Variants in EIF4G1 observed in about 807,000 individuals in gnomAD.
EIF4G1 encodes eukaryotic translation initiation factor 4 gamma 1.
EIF4G1 carries 4 observed loss-of-function variants against 187.8 expected under a neutral mutation model. That is an observed-to-expected ratio of 0.02 (90% CI 0.01 to 0.05). The LOEUF is 0.05. Ranked by LOEUF, EIF4G1 falls within the 10% of genes least tolerant of loss-of-function variation. The pLI is 1.00. For synonymous variants in EIF4G1, 844 were observed against 781.4 expected (o/e 1.08, Z -1.34); for missense variants, 1,647 against 2,081.1 (o/e 0.79, Z 4.06).
Position 184,327,664 on chromosome 3 carries a change from A to G in EIF4G1, c.3740A>G (p.Lys1247Arg), listed in dbSNP as rs373662190. 1.5e-5 allele frequency: 24 copies of G among 1,614,196 alleles called. No homozygotes were observed. Among genetic ancestry groups the G allele is most frequent in the Non-Finnish European group, 2.0e-5 (24 of 1,180,026 alleles). Residue 1247 changes from lysine (K) to arginine (R), a missense_variant, in exon 25 of 33, where the codon AAG (lysine) becomes AGG (arginine). Coordinates refer to ENST00000346169, the MANE Select transcript of EIF4G1 (RefSeq NM_198241.3). ...GAGGAGGAGTTAGAGAAGAAATCCA[A>G]GGCTATCATTGAGGAATATCTCCAT... ...LSEEELEKKSKAIIEEYLHLN... is the reference protein window; with the variant it reads ...LSEEELEKKSRAIIEEYLHLN...
At position 184,317,350 on chromosome 3, in the gene EIF4G1, G is replaced by A. The variant is rs1560207133; in HGVS notation, c.177G>A (p.Pro59=). ...QHFYPSRAQP[P]SSAASRVQSA... Reference sequence around the variant, plus strand: ...TCTACCCTAGCCGGGCCCAGCCCCCGAGCAGTGCAGCCTCCCGAGTGCAGA... The same window carrying A: ...TCTACCCTAGCCGGGCCCAGCCCCCAAGCAGTGCAGCCTCCCGAGTGCAGA... The change falls in exon 5 of 33, where the codon CCG becomes CCA. Residue 59 remains proline, a synonymous_variant. Coordinates refer to ENST00000346169, the MANE Select transcript of EIF4G1 (RefSeq NM_198241.3). 8 of 1,613,974 alleles carry A rather than the reference G, an allele frequency of 5.0e-6. No individual in the cohort carries two copies. Among genetic ancestry groups the A allele is most frequent in the South Asian group, 1.1e-5 (1 of 91,078 alleles).
chr3:184,325,154 T>C lies in EIF4G1; in HGVS notation c.2856+40T>C. ...ATCTGGAGGGGGATGGGCTGAAGCA[T>C]ATGTGGGGCTCACTGAGCCCACAAT... On this transcript the variant is annotated intron_variant, in intron 18 of 32. Coordinates refer to ENST00000346169, the MANE Select transcript of EIF4G1 (RefSeq NM_198241.3). The surrounding 1 kb of genome is among the most constrained non-coding windows in gnomAD (Gnocchi z 5.2). The C allele has an allele frequency of 1.9e-6, 3 of 1,608,164 alleles. No individual in the cohort carries two copies. The highest frequency in any genetic ancestry group is 2.6e-6 in the Non-Finnish European group (3 of 1,174,732).
At chr3:184,319,530 C>T in intron 6 of EIF4G1, 159 bp from the exon 7 acceptor site, 1 of 649,804 alleles carries the variant, frequency 1.5e-6, no homozygotes, top group Non-Finnish European at 2.9e-6. Flanking sequence ...CCAGCTTTGA[C>T]AGACACCTAA....
chr3:184,316,184 C>G lies in EIF4G1; in HGVS notation c.113C>G (p.Ala38Gly). Residue 38 changes from alanine (A) to glycine (G), a missense_variant, in exon 4 of 33, where the codon GCG becomes GGG. Coordinates refer to ENST00000346169, the MANE Select transcript of EIF4G1 (RefSeq NM_198241.3). ...TAPVVFSTPQ[A>G]TQMNTPSQPR... ...CCGGTGGTGTTCAGTACGCCACAAG[C>G]GACACAAATGAACACGCCTTCTCAG... 6.2e-7 allele frequency: 1 copy of G among 1,614,122 alleles called. No individual in the cohort carries two copies. Among genetic ancestry groups the G allele is most frequent in the Non-Finnish European group, 8.5e-7 (1 of 1,180,030 alleles).
intron 6 of EIF4G1, 151 bp from the exon 7 acceptor site, chr3:184,319,538 T>C (rs1240622441): frequency 1.5e-6 from 1 of 652,656 alleles, no homozygotes; most frequent in Non-Finnish European, 2.9e-6. Context: ...GACAGACACC[T>C]AATTCCCTGG....
At position 184,325,957 on chromosome 3, in the gene EIF4G1, G is replaced by A. The variant is rs1165034971; in HGVS notation, c.3222+6G>A. 3 of 1,613,828 alleles carry A rather than the reference G, an allele frequency of 1.9e-6. No individual in the cohort carries two copies. The highest frequency in any genetic ancestry group is 4.5e-5 in the East Asian group (2 of 44,890). ...GACTCACCAAGATCACCAAGGTAGG[G>A]GTGTGTGTGGGAGTGGGTGATTCAG... On this transcript the variant is annotated splice_donor_region_variant and intron_variant, in intron 21 of 32. Transcript: ENST00000346169. This position sits in a 1 kb window ranked among gnomAD's most constrained non-coding sequence, Gnocchi z 5.2.
At position 184,320,239 on chromosome 3, in the gene EIF4G1, C is replaced by T. The variant is rs906482834; in HGVS notation, c.538-391C>T. On this transcript the variant is annotated intron_variant, in intron 7 of 32. Transcript: ENST00000346169. ...AGAGCTGGGGAAGCCGCTGAGTCAC[C>T]CTGGCTCCACCTACTGGATCTGGGC... is the stretch of plus-strand genomic sequence containing the variant. The T allele has an allele frequency of 4.9e-6, 6 of 1,214,478 alleles. No homozygotes were observed. In the African/African-American group the frequency reaches 7.8e-5, roughly 16 times the overall value. The allele number at this position is 1,214,478 out of a possible 1,614,324, so 75.2% of individuals were successfully genotyped here. A position where few individuals can be genotyped will look rare whatever the true frequency, so the allele number is the denominator to read the frequency against.
At chr3:184,332,913 T>C (rs1468340511) in intron 32 of EIF4G1, among the ~76,000 whole-genome samples, 1 of 152,184 alleles carries the variant, frequency 6.6e-6, no homozygotes, top group Non-Finnish European at 1.5e-5. Context: ...TCTGGGGCTT[T>C]AGCCTGGGGG....
At chr3:184,332,228 C>T in intron 32 of EIF4G1, 142 bp downstream of exon 32, 1 of 1,113,556 alleles carries the variant, frequency 9.0e-7, no homozygotes, top group Non-Finnish European at 1.3e-6. Context: ...TCATTCTTTC[C>T]TTTTACGTTT....
At chr3:184,320,250 C>T in intron 7 of EIF4G1, 1 of 1,221,470 alleles carries the variant, frequency 8.2e-7, no homozygotes, top group Non-Finnish European at 1.0e-6. Context: ...CTGGCTCCAC[C>T]TACTGGATCT....
chr3:184,333,658 G>C (rs747654475), intron 32 of EIF4G1, among the ~76,000 whole-genome samples: 1 of 152,178 alleles, frequency 6.6e-6, no homozygotes, highest in African/African-American at 2.4e-5. Flanking sequence ...TATTTAGTGG[G>C]GCAGGGGACA....
chr3:184,316,088 A>T, intron 3 of EIF4G1, 44 bp from the exon 4 acceptor site: 1 of 1,612,962 alleles, frequency 6.2e-7, no homozygotes. Flanking sequence ...TTTCTGCCCC[A>T]CCTGGGCTTC....
At chr3:184,318,480 G>A (rs763545929) in intron 6 of EIF4G1, among the ~76,000 whole-genome samples, 4 of 152,082 alleles carry the variant, frequency 2.6e-5, no homozygotes, top group Non-Finnish European at 5.9e-5. Context: ...GGCTGAGCAC[G>A]GTGGCTCACG....
Position 184,321,691 on chromosome 3 carries a change from T to C in EIF4G1, c.1107T>C (p.Asp369=). The change falls in exon 10 of 33, where the codon GAT becomes GAC. Residue 369 remains aspartate (D), a synonymous_variant. Transcript: ENST00000346169. ...CTAATGGCATGGTCCCATCTGAAGA[T>C]CTGGAACCAGAGGTGGAGTCAAGCC... The part of the protein sequence containing the change: ...HEPNGMVPSE[D]LEPEVESSPE... 1 of 1,593,926 alleles carries C rather than the reference T, an allele frequency of 6.3e-7. No individual in the cohort carries two copies. Among genetic ancestry groups the C allele is most frequent in the Non-Finnish European group, 8.6e-7 (1 of 1,168,078 alleles).
Position 184,327,836 on chromosome 3 carries a change from G to T in EIF4G1, c.3787G>T (p.Val1263Phe), listed in dbSNP as rs1469231758. ...YLHLNDMKEAVQCVQELASPS... is the reference protein window; with the variant it reads ...YLHLNDMKEAFQCVQELASPS... ...TGTGCCCTGCACCCCTCAGGAGGCAGTCCAGTGCGTGCAGGAGCTGGCCTC... is the reference window on the plus strand; with the variant it reads ...TGTGCCCTGCACCCCTCAGGAGGCATTCCAGTGCGTGCAGGAGCTGGCCTC... The change falls in exon 26 of 33, where the codon GTC (valine) becomes TTC (phenylalanine). Residue 1263 changes from valine (V) to phenylalanine (F), a missense_variant. Val to Phe is a conservative substitution (Grantham distance 50). Transcript: ENST00000346169. 1 of 1,614,038 alleles carries T rather than the reference G, an allele frequency of 6.2e-7. No homozygotes were observed. Among genetic ancestry groups the T allele is most frequent in the South Asian group, 1.1e-5 (1 of 91,082 alleles).
chr3:184,329,099 C>T, intron 28 of EIF4G1, 109 bp downstream of exon 28: 1 of 1,329,840 alleles, frequency 7.5e-7, no homozygotes, highest in South Asian at 1.2e-5. Context: ...ATGGTGATGA[C>T]AGGATTGTGT....
Position 184,331,588 on chromosome 3 carries a change from G to T in EIF4G1, c.4377G>T (p.Arg1459=), listed in dbSNP as rs933018192. The T allele has an allele frequency of 6.2e-7, 1 of 1,613,068 alleles. No individual in the cohort carries two copies. Among genetic ancestry groups the T allele is most frequent in the East Asian group, 2.2e-5 (1 of 44,818 alleles). The change falls in exon 30 of 33, where the codon CGG becomes CGT. Residue 1459 remains arginine, a synonymous_variant. Coordinates refer to ENST00000346169, the MANE Select transcript of EIF4G1 (RefSeq NM_198241.3). The part of the protein sequence containing the change: ...KLLKEGSSNQ[R]VFDWIEANLS... ...TGAAGGAGGGCAGCAGTAACCAGCG[G>T]GTGTTCGACTGGATAGAGGTAGGTT...
Position 184,327,633 on chromosome 3 carries a change from C to T in EIF4G1, c.3709C>T (p.Leu1237Phe). The stretch of plus-strand genomic sequence containing the variant: ...CCCAGTGAGCCCCCTGAAGGCGGCT[C>T]TCTCTGAGGAGGAGTTAGAGAAGAA... ...LPPVSPLKAALSEEELEKKSK... is the reference protein window; with the variant it reads ...LPPVSPLKAAFSEEELEKKSK... The change falls in exon 25 of 33, where the codon CTC becomes TTC. Residue 1237 changes from leucine (L) to phenylalanine (F), a missense_variant. Physicochemically the swap from Leu to Phe is conservative, Grantham distance 22 (BLOSUM62 0). Around this residue, in one of 11 missense-constraint regions of EIF4G1, gnomAD observed 543 missense variants for 638.0 expected, o/e 0.85. Transcript: ENST00000346169. 2 of 1,614,218 alleles carry T rather than the reference C, an allele frequency of 1.2e-6. No homozygotes were observed. The highest frequency in any genetic ancestry group is 2.2e-5 in the East Asian group (1 of 44,880).
In EIF4G1 at chr3:184,320,305, G is replaced by T. The variant is rs552073102; in HGVS notation, c.538-325G>T. The T allele has an allele frequency of 3.1e-6, 4 of 1,280,092 alleles. No homozygotes were observed. The South Asian group carries it at 6.3e-5, about 20-fold the overall frequency. The allele number at this position is 1,280,092 out of a possible 1,614,324, so 79.3% of individuals were successfully genotyped here. Reference sequence around the variant, plus strand: ...CAGGCACACTAGCCACAAGTGAGCCGATTGGGTTCTAGATGGGGGTCCTGG... The same window carrying T: ...CAGGCACACTAGCCACAAGTGAGCCTATTGGGTTCTAGATGGGGGTCCTGG... On this transcript the variant is annotated intron_variant, in intron 7 of 32. Transcript: ENST00000346169.
Sources: allele counts gnomAD v4.1 joint callset (sites outside exome capture counted in the v4.1 genomes callset), GRCh38; gene constraint gnomAD v4.1.1; regional missense constraint gnomAD v4.1.1; non-coding constraint Gnocchi (gnomAD v3.1); transcripts MANE v1.5; gene names NCBI Gene and HGNC (gene_info 2026-07-23, HGNC 2026-07-21).